CHST11: variants seen among roughly 807,000 people sequenced by gnomAD.
The protein encoded by CHST11 is carbohydrate sulfotransferase 11, also known as C4S-1.
In CHST11, 9 loss-of-function variants were observed where a neutral mutation model predicts 30.4. The ratio of observed to expected loss-of-function variants is 0.30; its 90% CI spans 0.18 to 0.52. The LOEUF (loss-of-function observed/expected upper bound fraction) is 0.52. Among genes scored for constraint, CHST11 ranks in the 20% least tolerant of loss-of-function variants. The probability of loss-of-function intolerance (pLI) is 0.97; values close to 1 mark genes in which losing one functional copy is unlikely to be tolerated. For missense variants in CHST11, 348 were observed against 460.6 expected (o/e 0.76, Z 2.24); for synonymous variants, 152 against 187.8 (o/e 0.81, Z 1.56).
chr12:104,463,845 T>C (rs2135949643), intron 1 of CHST11, among the ~76,000 whole-genome samples: 1 of 152,110 alleles, frequency 6.6e-6, no homozygotes, highest in South Asian at 2.1e-4. Context: ...AGAACACGCA[T>C]GGCAAGGTGG....
intron 2 of CHST11, among the ~76,000 whole-genome samples, chr12:104,707,374 A>G (rs992975206): frequency 6.6e-6 from 1 of 152,216 alleles, no homozygotes; most frequent in African/African-American, 2.4e-5. Context: ...AGTGACTCAT[A>G]GTTACTGGCA....
intron 2 of CHST11, among the ~76,000 whole-genome samples, chr12:104,682,879 G>A (rs1027390943): frequency 4.6e-5 from 7 of 152,200 alleles, no homozygotes; most frequent in Non-Finnish European, 1.0e-4. Context: ...GCCAGCTACC[G>A]TAACCGTAGC....
intron 2 of CHST11, among the ~76,000 whole-genome samples, chr12:104,754,172 A>G (rs577620115): frequency 6.6e-6 from 1 of 151,104 alleles, no homozygotes; most frequent in South Asian, 2.1e-4. Flanking sequence ...ACCCGAAAAT[A>G]TATATATGGT....
chr12:104,573,778 A>C (rs1425902605), intron 1 of CHST11, among the ~76,000 whole-genome samples: 2 of 152,258 alleles, frequency 1.3e-5, no homozygotes, highest in Non-Finnish European at 2.9e-5. Flanking sequence ...CCTAGGCAAT[A>C]CCATTTAGGA....
chr12:104,540,234 G>C (rs75346555), intron 1 of CHST11, among the ~76,000 whole-genome samples: 1 of 152,104 alleles, frequency 6.6e-6, no homozygotes, highest in Non-Finnish European at 1.5e-5. Flanking sequence ...GAATATGGAG[G>C]CTGATTGTAC....
In CHST11 at chr12:104,631,358, C is replaced by A. The variant is rs181990415; in HGVS notation, c.204+29367C>A. Among the ~76,000 whole-genome samples the A allele has an allele frequency of 3.7e-3, 570 of 152,150 alleles. 3 individuals are homozygous for A. Among genetic ancestry groups the A allele is most frequent in the Middle Eastern group, 0.031 (9 of 294 alleles). ...CATTTTATTGACGGTGGTAGCGGAC[C>A]CTGTTGGTGCTGTGCCCAGACCATC... is the stretch of plus-strand genomic sequence containing the variant. On this transcript the variant is annotated intron_variant, in intron 2 of 2. Coordinates refer to ENST00000303694, the MANE Select transcript of CHST11 (RefSeq NM_018413.6).
chr12:104,578,467 T>C (rs2038706146), intron 1 of CHST11, among the ~76,000 whole-genome samples: 1 of 152,230 alleles, frequency 6.6e-6, no homozygotes, highest in Non-Finnish European at 1.5e-5. Flanking sequence ...TTGAGTGTCT[T>C]TCCTAAGATC....
At chr12:104,712,449 G>A (rs932067618) in intron 2 of CHST11, among the ~76,000 whole-genome samples, 7 of 152,096 alleles carry the variant, frequency 4.6e-5, no homozygotes, top group Admixed American at 1.3e-4. Context: ...TTCTTTACAC[G>A]TGAGGACATT....
intron 2 of CHST11, among the ~76,000 whole-genome samples, chr12:104,687,783 C>T (rs980313364): frequency 1.7e-4 from 26 of 152,270 alleles, no homozygotes; most frequent in African/African-American, 5.3e-4. Flanking sequence ...CCCGCCCCCC[C>T]CAAAATTTTT....
intron 1 of CHST11, among the ~76,000 whole-genome samples, chr12:104,519,070 A>T (rs1462567564): frequency 8.8e-5 from 7 of 79,422 alleles, no homozygotes; most frequent in Non-Finnish European, 1.4e-4. Context: ...TGGACTCTTG[A>T]GGTGTGTGTG....
chr12:104,583,665 A>G (rs1027355399), intron 1 of CHST11, among the ~76,000 whole-genome samples: 3 of 152,150 alleles, frequency 2.0e-5, no homozygotes, highest in African/African-American at 7.2e-5. Flanking sequence ...CTATATTCCT[A>G]AAATATGCAG....
At position 104,748,596 on chromosome 12, in the gene CHST11, G is replaced by GCTTGT. The variant is rs372657285; in HGVS notation, c.205-8353_205-8352insCTTGT. Among the ~76,000 whole-genome samples, 97 of 152,098 alleles carry GCTTGT rather than the reference G, an allele frequency of 6.4e-4. No homozygotes were observed. The Middle Eastern group carries it at 0.01, about 16-fold the overall frequency. ...AAGAGACACCTGGGGAGTGGAGTCG[G>GCTTGT]GGGAGAGATGGCCGTGTGAGAAGGC... On this transcript the variant is annotated intron_variant, in intron 2 of 2. Coordinates refer to ENST00000303694, the MANE Select transcript of CHST11 (RefSeq NM_018413.6).
intron 2 of CHST11, among the ~76,000 whole-genome samples, chr12:104,677,208 T>A (rs1490036077): frequency 1.3e-5 from 2 of 152,330 alleles, no homozygotes; most frequent in East Asian, 3.9e-4. Context: ...ATTTTTAATG[T>A]TCCTGTAATA....
intron 1 of CHST11, among the ~76,000 whole-genome samples, chr12:104,510,986 TAAAAA>T (rs35967270): frequency 6.6e-6 from 1 of 152,146 alleles, no homozygotes; most frequent in South Asian, 2.1e-4. Context: ...ATATTTTACT[TAAAAA>T]AATAAAAGCC....
At chr12:104,518,503 CTG>C (rs2038046782) in intron 1 of CHST11, among the ~76,000 whole-genome samples, 1 of 152,158 alleles carries the variant, frequency 6.6e-6, no homozygotes, top group African/African-American at 2.4e-5. Flanking sequence ...AATACGATGT[CTG>C]TGCACCGTGT....
intron 2 of CHST11, among the ~76,000 whole-genome samples, chr12:104,623,649 G>A (rs1190531476): frequency 6.6e-6 from 1 of 152,104 alleles, no homozygotes; most frequent in Non-Finnish European, 1.5e-5. Context: ...GGCAGAGGTT[G>A]CGGTGAGCCG....
At chr12:104,512,056 A>C (rs914284940) in intron 1 of CHST11, among the ~76,000 whole-genome samples, 3 of 152,144 alleles carry the variant, frequency 2.0e-5, no homozygotes, top group African/African-American at 7.2e-5. Flanking sequence ...TTTTATTTGT[A>C]TTTTAAAATT....
At chr12:104,694,640 A>G (rs1592843173) in intron 2 of CHST11, among the ~76,000 whole-genome samples, 1 of 152,312 alleles carries the variant, frequency 6.6e-6, no homozygotes, top group Non-Finnish European at 1.5e-5. Context: ...ATCTGGGGTC[A>G]CAGTTACTTC....
chr12:104,470,739 G>A (rs2037501022), intron 1 of CHST11, among the ~76,000 whole-genome samples: 1 of 152,164 alleles, frequency 6.6e-6, no homozygotes, highest in Non-Finnish European at 1.5e-5. Context: ...ATACAGGTGA[G>A]GAAACTGAGG....
Sources: allele counts gnomAD v4.1 joint callset (sites outside exome capture counted in the v4.1 genomes callset), GRCh38; gene constraint gnomAD v4.1.1; transcripts MANE v1.5; gene names NCBI Gene and HGNC (gene_info 2026-07-23, HGNC 2026-07-21).